SMCO4: variants seen among roughly 807,000 people sequenced by gnomAD.
SMCO4 encodes single-pass membrane protein with coiled-coil domains 4.
In SMCO4, 4 loss-of-function variants were observed where a neutral mutation model predicts 3.6. The ratio of observed to expected loss-of-function variants is 1.11; its 90% CI spans 0.54 to 2.53. The LOEUF (loss-of-function observed/expected upper bound fraction) is 2.53, where lower values mean the gene tolerates loss of function less well. SMCO4 is among the 30% of genes most tolerant of loss of function. SMCO4 has a pLI of 0.02. For missense variants in SMCO4, 70 were observed against 80.8 expected (o/e 0.87, Z 0.51); for synonymous variants, 36 against 35.3 (o/e 1.02, Z -0.07).
intron 1 of SMCO4, 26 bp from the exon 2 acceptor site, chr11:93,499,374 A>G (rs188168596): frequency 1.3e-5 from 2 of 152,322 alleles, no homozygotes; most frequent in Admixed American, 1.3e-4. Flanking sequence ...AAGAAAGGGT[A>G]TAATAGCTGC....
intron 1 of SMCO4, among the ~76,000 whole-genome samples, chr11:93,542,845 A>T (rs543353959): frequency 7.6e-4 from 115 of 152,084 alleles, no homozygotes; most frequent in Admixed American, 3.4e-3. Context: ...GGCGTCCTCA[A>T]AGGACCCGCG....
At chr11:93,545,442 C>A (rs1949308340), upstream of SMCO4, among the ~76,000 whole-genome samples, 1 of 152,008 alleles carries the variant, frequency 6.6e-6, no homozygotes, top group South Asian at 2.1e-4. Flanking sequence ...CAAAAACTAG[C>A]TGGGCGTGGT....
intron 2 of SMCO4, among the ~76,000 whole-genome samples, chr11:93,491,045 G>C (rs1333314868): frequency 6.6e-6 from 1 of 152,242 alleles, no homozygotes; most frequent in Admixed American, 6.5e-5. Context: ...TCTATATACC[G>C]TCATTCCTTA....
chr11:93,480,019 T>C (rs866485887), intron 2 of SMCO4, among the ~76,000 whole-genome samples: 3 of 152,088 alleles, frequency 2.0e-5, no homozygotes, highest in Admixed American at 6.5e-5. Context: ...CTCACGGAGG[T>C]GCCTAACAGG....
At chr11:93,508,445 A>G (rs1948928040) in intron 1 of SMCO4, among the ~76,000 whole-genome samples, 1 of 152,356 alleles carries the variant, frequency 6.6e-6, no homozygotes, top group African/African-American at 2.4e-5. Flanking sequence ...CCATTATTAC[A>G]ACCTAAAAAA....
chr11:93,529,376 G>A (rs537746524), intron 1 of SMCO4, among the ~76,000 whole-genome samples: 1 of 152,316 alleles, frequency 6.6e-6, no homozygotes, highest in Non-Finnish European at 1.5e-5. Flanking sequence ...CTACGGAAGA[G>A]CAGCTGCTCC....
At chr11:93,519,842 T>A (rs982292253) in intron 1 of SMCO4, among the ~76,000 whole-genome samples, 1 of 152,204 alleles carries the variant, frequency 6.6e-6, no homozygotes, top group Non-Finnish European at 1.5e-5. Flanking sequence ...TCACCCTTAC[T>A]TGTAATATCC....
intron 1 of SMCO4, among the ~76,000 whole-genome samples, chr11:93,501,137 C>T (rs1948833855): frequency 6.6e-6 from 1 of 152,208 alleles, no homozygotes; most frequent in African/African-American, 2.4e-5. Context: ...ATGATAGAGA[C>T]TAGATCAGTG....
At chr11:93,528,687 C>G (rs1360766904) in intron 1 of SMCO4, among the ~76,000 whole-genome samples, 1 of 152,110 alleles carries the variant, frequency 6.6e-6, no homozygotes, top group Non-Finnish European at 1.5e-5. Flanking sequence ...TGAAGGGAGA[C>G]CCCCATGCCA....
At chr11:93,485,729 T>C (rs1221618813) in intron 2 of SMCO4, among the ~76,000 whole-genome samples, 1 of 152,210 alleles carries the variant, frequency 6.6e-6, no homozygotes, top group Non-Finnish European at 1.5e-5. Flanking sequence ...GCCGGAATAT[T>C]TTAAGACAAG....
chr11:93,542,673 G>A (rs1445056995), intron 1 of SMCO4, among the ~76,000 whole-genome samples: 1 of 152,154 alleles, frequency 6.6e-6, no homozygotes, highest in South Asian at 2.1e-4. Context: ...AGCCTGCCCC[G>A]GGTCTCAGGG....
chr11:93,536,602 T>C (rs1288185841), intron 1 of SMCO4, among the ~76,000 whole-genome samples: 1 of 152,158 alleles, frequency 6.6e-6, no homozygotes, highest in Admixed American at 6.5e-5. Context: ...TATACAGGCT[T>C]GACAGTTTCA....
At chr11:93,552,152 CTT>C in the SMCO4 span, among the ~76,000 whole-genome samples, 224 of 109,014 alleles carry the variant, frequency 2.1e-3, no homozygotes, top group African/African-American at 4.5e-3. Flanking sequence ...CTCATCACTA[CTT>C]TTTTTTTTTT....
intron 1 of SMCO4, among the ~76,000 whole-genome samples, chr11:93,523,183 C>G (rs181879101): frequency 1.4e-4 from 22 of 152,258 alleles, no homozygotes; most frequent in African/African-American, 4.1e-4. Context: ...TGCCTGTAAT[C>G]CCAGCACTTT....
At chr11:93,514,434 C>G (rs1327880718) in intron 1 of SMCO4, among the ~76,000 whole-genome samples, 2 of 116,484 alleles carry the variant, frequency 1.7e-5, no homozygotes, top group African/African-American at 6.5e-5. Flanking sequence ...AATTTGGTCT[C>G]TTCCAAAGAT....
intron 1 of SMCO4, among the ~76,000 whole-genome samples, chr11:93,523,893 A>G (rs1565386142): frequency 1.3e-5 from 2 of 152,224 alleles, no homozygotes; most frequent in African/African-American, 4.8e-5. Context: ...AATGAAGCAT[A>G]TATCAGCACC....
intron 1 of SMCO4, among the ~76,000 whole-genome samples, chr11:93,510,054 C>T (rs1175635418): frequency 6.6e-6 from 1 of 152,172 alleles, no homozygotes; most frequent in Non-Finnish European, 1.5e-5. Context: ...CAGGAGACCG[C>T]GTCAAGTTTC....
Position 93,529,752 on chromosome 11 carries a change from G to A in SMCO4, c.-154+13524C>T, listed in dbSNP as rs1011341525. ...CCCCAGTAACTGGGCAAACTGAACC[G>A]ACGACACAGGCCACAGACCAGCAGG... On this transcript the variant is annotated intron_variant, in intron 1 of 2. Transcript: ENST00000298966. Among the ~76,000 whole-genome samples, 115 of 152,334 alleles carry A rather than the reference G, an allele frequency of 7.5e-4. 1 individual carries two copies. The highest frequency in any genetic ancestry group is 4.6e-4 in the Admixed American group (7 of 15,308).
At chr11:93,532,435 C>T (rs956637118) in intron 1 of SMCO4, among the ~76,000 whole-genome samples, 13 of 152,240 alleles carry the variant, frequency 8.5e-5, no homozygotes, top group Admixed American at 7.8e-4. Context: ...CAAACTGAGA[C>T]TTACACCATC....
Sources: gnomAD v4.1 joint callset for allele counts (sites outside exome capture counted in the v4.1 genomes callset) on GRCh38, gnomAD v4.1.1 for gene constraint, MANE v1.5 for transcripts, NCBI Gene and HGNC (gene_info 2026-07-23, HGNC 2026-07-21) for gene names.